PHIP: variants seen among roughly 807,000 people sequenced by gnomAD.
PHIP encodes PHIP subunit of CUL4-Ring ligase complex.
Under a neutral mutation model 236.8 loss-of-function variants are expected in PHIP, and 54 were observed. The observed-to-expected ratio is 0.23, with a 90% CI of 0.18 to 0.29. The LOEUF (loss-of-function observed/expected upper bound fraction) is 0.29, where lower values mean the gene tolerates loss of function less well. Ranked by LOEUF, PHIP falls within the 10% of genes least tolerant of loss-of-function variation. The pLI is 1.00. For synonymous variants in PHIP, 756 were observed against 718.9 expected, an observed-to-expected ratio of 1.05 and a Z score of -0.83; for missense variants, 1,370 against 2,190.8, an observed-to-expected ratio of 0.63 and a Z score of 7.48.
At chr6:78,972,316 T>C (rs1214829120) in intron 24 of PHIP, among the ~76,000 whole-genome samples, 2 of 152,000 alleles carry the variant, frequency 1.3e-5, no homozygotes, top group East Asian at 3.9e-4. Flanking sequence ...CAGCTGAGGG[T>C]CCTGTCTGTT....
chr6:78,972,164 T>A (rs534190234), intron 24 of PHIP, among the ~76,000 whole-genome samples: 2 of 150,024 alleles, frequency 1.3e-5, no homozygotes, highest in Admixed American at 6.6e-5. Flanking sequence ...GTTCTCCCAG[T>A]ACGCAGCTGG....
intron 21 of PHIP, among the ~76,000 whole-genome samples, chr6:78,986,711 A>G (rs1768889315): frequency 6.6e-6 from 1 of 152,216 alleles, no homozygotes; most frequent in African/African-American, 2.4e-5. Context: ...ATAAAATAAT[A>G]TACTTGGGAC....
intron 24 of PHIP, among the ~76,000 whole-genome samples, chr6:78,974,346 A>T (rs935848100): frequency 1.3e-4 from 20 of 151,950 alleles, no homozygotes; most frequent in Non-Finnish European, 2.4e-4. Context: ...AAGACACAAC[A>T]TACCAGAATC....
rs770571493 is a variant in PHIP at position 78,947,800 on chromosome 6, TTATGA to T, written c.4054-30_4054-26del. The T allele has an allele frequency of 2.6e-6, 4 of 1,547,956 alleles. No homozygotes were observed. The South Asian group carries it at 4.6e-5, about 18-fold the overall frequency. On this transcript the variant is annotated intron_variant, in intron 35 of 39. Transcript: ENST00000275034. ...CCTAGGAGAGGGAAAACAGGTGGTG[TTATGA>T]TTATTACTACACAAAGCATCACTTC...
At position 78,939,041 on chromosome 6, in the gene PHIP, G is replaced by A. The variant is rs1207087700; in HGVS notation, c.*1652C>T. The A allele has an allele frequency of 6.6e-6, 1 of 151,392 alleles. No individual in the cohort carries two copies. The highest frequency in any genetic ancestry group is 1.5e-5 in the Non-Finnish European group (1 of 67,602). The allele number at this position is 151,392 out of a possible 1,614,324, so 9.4% of individuals were successfully genotyped here. On this transcript the variant is annotated 3_prime_UTR_variant, in exon 40 of 40. Coordinates refer to ENST00000275034, the MANE Select transcript of PHIP (RefSeq NM_017934.7). ...ATCTGAAAATTTTGATTACATTTTT[G>A]TACCATACCAGTCCTCAGAAAATAC...
intron 6 of PHIP, among the ~76,000 whole-genome samples, chr6:79,057,564 T>TG (rs1773134086): frequency 6.6e-6 from 1 of 152,118 alleles, no homozygotes; most frequent in Admixed American, 6.6e-5. Flanking sequence ...TTTTAATATT[T>TG]GGGATCTATA....
rs1225029747 is a variant in PHIP at position 78,974,289 on chromosome 6, T to C, written c.2890-3401A>G. Among the ~76,000 whole-genome samples, 14 of 151,710 alleles carry C rather than the reference T, an allele frequency of 9.2e-5. No homozygotes were observed. In the South Asian group the frequency reaches 1.3e-3, roughly 14 times the overall value. On this transcript the variant is annotated intron_variant, in intron 24 of 39. Transcript: ENST00000275034. ...TCCTGAATGACTACTGGGTACATAA[T>C]GAAATGAAGGCAGAAATAAAGATGT... is the stretch of plus-strand genomic sequence containing the variant.
chr6:79,068,561 T>C (rs958151262), intron 4 of PHIP, among the ~76,000 whole-genome samples: 2 of 152,196 alleles, frequency 1.3e-5, no homozygotes, highest in African/African-American at 2.4e-5. Flanking sequence ...ACATTTACTC[T>C]TTCTAAGCCT....
At chr6:79,054,260 A>AAT (rs1485911072) in intron 6 of PHIP, among the ~76,000 whole-genome samples, 1 of 151,682 alleles carries the variant, frequency 6.6e-6, no homozygotes, top group Admixed American at 6.6e-5. Context: ...GTCAAATAGA[A>AAT]ATATGAAGAT....
intron 19 of PHIP, among the ~76,000 whole-genome samples, chr6:78,992,430 T>C (rs1307236502): frequency 6.6e-6 from 1 of 151,944 alleles, no homozygotes; most frequent in African/African-American, 2.4e-5. Flanking sequence ...TATTAGTTTG[T>C]GTGTGTGTGT....
Position 79,006,556 on chromosome 6 carries a change from G to A in PHIP, c.1525-2698C>T, listed in dbSNP as rs573698584. On this transcript the variant is annotated intron_variant, in intron 15 of 39. Transcript: ENST00000275034. Reference sequence around the variant, plus strand: ...AGCAGTAAGGTTTATCTTCAAAAACGAAAAGAAAATACCCTCTCTCACCAA... The same window carrying A: ...AGCAGTAAGGTTTATCTTCAAAAACAAAAAGAAAATACCCTCTCTCACCAA... Among the ~76,000 whole-genome samples the A allele has an allele frequency of 1.6e-4, 24 of 151,964 alleles. 1 individual carries two copies. The South Asian group carries it at 4.8e-3, about 30-fold the overall frequency.
At chr6:79,045,570 G>C (rs896918525) in intron 6 of PHIP, among the ~76,000 whole-genome samples, 1 of 151,970 alleles carries the variant, frequency 6.6e-6, no homozygotes, top group African/African-American at 2.4e-5. Context: ...AGATATACAA[G>C]ATGGTTCAAT....
chr6:78,955,615 C>G lies in PHIP; in HGVS notation c.3850G>C (p.Glu1284Gln), dbSNP rs746790467. Residue 1284 changes from glutamate to glutamine, a missense_variant and splice_region_variant, in exon 33 of 40, where the codon GAG (glutamate) becomes CAG (glutamine). Glu to Gln is a conservative substitution (Grantham distance 29). This residue lies in a region of PHIP where 38 missense variants were observed against 27.6 expected (regional missense o/e 1.38). Transcript: ENST00000275034. ...SMKKKVLSDS[E>Q]DEEKDADVPG... ...AATAATAATGAAATATTACATACCT[C>G]AGAATCAGACAAAACTTTCTTCTTC... is the stretch of plus-strand genomic sequence containing the variant. 1.1e-6 allele frequency: 1 copy of G among 950,278 alleles called. No homozygotes were observed. Among genetic ancestry groups the G allele is most frequent in the South Asian group, 1.5e-5 (1 of 67,656 alleles). 58.9% of individuals were successfully genotyped at this position (950,278 alleles called of 1,614,324 possible).
intron 6 of PHIP, among the ~76,000 whole-genome samples, chr6:79,052,516 T>C (rs566147257): frequency 6.6e-6 from 1 of 152,272 alleles, no homozygotes; most frequent in South Asian, 2.1e-4. Flanking sequence ...GAGAAAAGAA[T>C]GGAGTAATAT....
chr6:79,047,480 A>C (rs1436195109), intron 6 of PHIP, among the ~76,000 whole-genome samples: 2 of 152,312 alleles, frequency 1.3e-5, no homozygotes, highest in East Asian at 1.9e-4. Context: ...AAAATTTCGC[A>C]AAGGTTTACC....
Position 78,941,294 on chromosome 6 carries a change from A to G in PHIP, c.4865T>C (p.Ile1622Thr). The G allele has an allele frequency of 6.2e-7, 1 of 1,613,668 alleles. No homozygotes were observed. Among genetic ancestry groups the G allele is most frequent in the Non-Finnish European group, 8.5e-7 (1 of 1,179,618 alleles). ...CTGTCCTCCATGGCCATTTACTTGAATGGTTCCTGGTACAAGAGCGTTGTT... is the reference window on the plus strand; with the variant it reads ...CTGTCCTCCATGGCCATTTACTTGAGTGGTTCCTGGTACAAGAGCGTTGTT... ...CKNNALVPGT[I>T]QVNGHGGQPS... The change falls in exon 40 of 40, where the codon ATT (isoleucine) becomes ACT (threonine). Residue 1622 changes from isoleucine to threonine, a missense_variant. By Grantham distance (89) the Ile-to-Thr change is moderately conservative. Transcript: ENST00000275034.
At chr6:79,002,176 T>A in intron 16 of PHIP, 52 bp from the exon 17 acceptor site, 2 of 1,302,950 alleles carry the variant, frequency 1.5e-6, no homozygotes, top group African/African-American at 1.5e-5. Context: ...TGTATCATTG[T>A]AGAAAAAAAG....
intron 6 of PHIP, among the ~76,000 whole-genome samples, chr6:79,054,045 C>A (rs1772936904): frequency 6.7e-6 from 1 of 148,882 alleles, no homozygotes. Flanking sequence ...GAAATTTAAG[C>A]AGAGGAAAAA....
chr6:78,946,633 A>G, intron 37 of PHIP, 78 bp downstream of exon 37: 1 of 1,470,246 alleles, frequency 6.8e-7, no homozygotes, highest in Non-Finnish European at 8.9e-7. Context: ...TAGTAAAGGA[A>G]GTATTAAAAA....
Sources: gnomAD v4.1 joint callset for allele counts (sites outside exome capture counted in the v4.1 genomes callset) on GRCh38, gnomAD v4.1.1 for gene constraint, gnomAD v4.1.1 regional missense constraint, MANE v1.5 for transcripts, NCBI Gene and HGNC (gene_info 2026-07-23, HGNC 2026-07-21) for gene names.